The following CLASP1 variants were observed in gnomAD, a reference collection of about 807,000 sequenced individuals.
CLASP1 encodes the protein CLIP-associating protein 1.
CLASP1 carries 38 observed loss-of-function variants against 192.3 expected under a neutral mutation model. The observed-to-expected ratio is 0.20, with a 90% confidence interval of 0.15 to 0.26. CLASP1 has a LOEUF of 0.26. CLASP1 is among the 10% of genes least tolerant of loss of function. The pLI is 1.00. For synonymous variants in CLASP1, 691 were observed against 712.8 expected, an observed-to-expected ratio of 0.97 and a Z score of 0.49; for missense variants, 1,433 against 1,932.5, an observed-to-expected ratio of 0.74 and a Z score of 4.85.
chr2:121,435,925 C>A (rs554823447), intron 19 of CLASP1, among the ~76,000 whole-genome samples: 1 of 151,570 alleles, frequency 6.6e-6, no homozygotes, highest in Non-Finnish European at 1.5e-5. Flanking sequence ...CCTTCCTATT[C>A]AGACTATTCA....
At chr2:121,594,680 T>C (rs112467295) in intron 2 of CLASP1, among the ~76,000 whole-genome samples, 2,127 of 152,226 alleles carry the variant, frequency 0.014, 54 homozygotes, top group African/African-American at 0.048. Flanking sequence ...TGTGAGCCAC[T>C]GCGCCCGGCC....
intron 6 of CLASP1, among the ~76,000 whole-genome samples, chr2:121,525,514 C>A (rs1172953461): frequency 6.6e-6 from 1 of 152,132 alleles, no homozygotes; most frequent in Non-Finnish European, 1.5e-5. Flanking sequence ...CCCGGCACCA[C>A]CCCTTTTGGC....
At chr2:121,589,584 C>T (rs527846164) in intron 2 of CLASP1, among the ~76,000 whole-genome samples, 5 of 149,236 alleles carry the variant, frequency 3.4e-5, no homozygotes, top group South Asian at 2.1e-4. Flanking sequence ...GAGCCAAGGC[C>T]GTACCATTGC....
intron 19 of CLASP1, among the ~76,000 whole-genome samples, chr2:121,437,130 C>A (rs2082436699): frequency 6.6e-6 from 1 of 151,836 alleles, no homozygotes; most frequent in Non-Finnish European, 1.5e-5. Context: ...GCTTGGCTAA[C>A]TGTAAAAAAA....
intron 2 of CLASP1, among the ~76,000 whole-genome samples, chr2:121,604,926 A>G (rs1383531176): frequency 6.6e-6 from 1 of 152,134 alleles, no homozygotes; most frequent in African/African-American, 2.4e-5. Context: ...TTCCATCTCA[A>G]CCTTGACCCA....
chr2:121,592,704 T>C (rs997688922), intron 2 of CLASP1, among the ~76,000 whole-genome samples: 1 of 152,214 alleles, frequency 6.6e-6, no homozygotes, highest in Non-Finnish European at 1.5e-5. Context: ...CAGGCTGTAG[T>C]GCAGTGGCAT....
chr2:121,435,389 C>T (rs2082127470), intron 19 of CLASP1, among the ~76,000 whole-genome samples: 1 of 152,276 alleles, frequency 6.6e-6, no homozygotes, highest in Admixed American at 6.5e-5. Flanking sequence ...ATTCTCCTGC[C>T]TCAGCCTCCC....
chr2:121,611,847 A>G (rs528073696), intron 1 of CLASP1, among the ~76,000 whole-genome samples: 1,620 of 107,832 alleles, frequency 0.015, 33 homozygotes, highest in African/African-American at 0.053. Context: ...AGGAGGAGGC[A>G]TTGGAGGAGT....
chr2:121,480,186 G>T (rs547729805), intron 8 of CLASP1, among the ~76,000 whole-genome samples: 1 of 152,208 alleles, frequency 6.6e-6, no homozygotes, highest in Non-Finnish European at 1.5e-5. Context: ...CTTCACAAAG[G>T]GAGGTCAAAT....
exon 22 of CLASP1, chr2:121,425,304 C>A: frequency 6.2e-7 from 1 of 1,611,050 alleles, no homozygotes; most frequent in South Asian, 1.1e-5. Flanking sequence ...GACCGGCTGC[C>A]AGCTAAAAGT....
At chr2:121,635,221 AGAAAAG>A (rs1206566557) in intron 1 of CLASP1, among the ~76,000 whole-genome samples, 3 of 146,402 alleles carry the variant, frequency 2.0e-5, no homozygotes, top group African/African-American at 8.1e-5. Context: ...AAAAAAAAAA[AGAAAAG>A]AAAAGAAAAG....
chr2:121,584,354 A>G (rs1041127100), intron 2 of CLASP1, among the ~76,000 whole-genome samples: 6 of 152,134 alleles, frequency 3.9e-5, no homozygotes, highest in Non-Finnish European at 5.9e-5. Context: ...TTTGGATGCA[A>G]TTTCTTCCAA....
At chr2:121,533,687 C>A (rs1001106593) in intron 2 of CLASP1, among the ~76,000 whole-genome samples, 3 of 152,124 alleles carry the variant, frequency 2.0e-5, no homozygotes, top group African/African-American at 7.2e-5. Flanking sequence ...TTTTTTTCTT[C>A]CAACACCATT....
chr2:121,605,272 C>T (rs2064288052), intron 2 of CLASP1, among the ~76,000 whole-genome samples: 2 of 152,118 alleles, frequency 1.3e-5, no homozygotes, highest in African/African-American at 4.8e-5. Flanking sequence ...ACAACAGTGA[C>T]CTGAAGGTAA....
intron 22 of CLASP1, among the ~76,000 whole-genome samples, chr2:121,424,540 A>G (rs936505845): frequency 4.6e-5 from 7 of 152,240 alleles, no homozygotes; most frequent in African/African-American, 1.7e-4. Context: ...TAAATGGAAC[A>G]AAAGGTATTT....
At chr2:121,387,051 G>C in intron 32 of CLASP1, 71 bp downstream of exon 33, 2 of 1,254,882 alleles carry the variant, frequency 1.6e-6, no homozygotes, top group South Asian at 1.3e-5. Context: ...TAAAAATCTA[G>C]AAATAGGATG....
intron 2 of CLASP1, among the ~76,000 whole-genome samples, chr2:121,573,090 G>A (rs1044527212): frequency 6.6e-6 from 1 of 152,122 alleles, no homozygotes; most frequent in African/African-American, 2.4e-5. Context: ...CTCTCTAGTA[G>A]CTAAGATTAC....
chr2:121,600,623 CTG>C (rs1274837026), intron 2 of CLASP1, among the ~76,000 whole-genome samples: 1 of 152,218 alleles, frequency 6.6e-6, no homozygotes, highest in Non-Finnish European at 1.5e-5. Flanking sequence ...CCACAGAACT[CTG>C]TATATTTGCA....
intron 30 of CLASP1, among the ~76,000 whole-genome samples, chr2:121,389,469 T>A (rs561242327): frequency 1.4e-5 from 2 of 145,806 alleles, no homozygotes; most frequent in Non-Finnish European, 3.0e-5. Context: ...TTAAAAAACA[T>A]TGTATTAGGT....
Sources: allele counts gnomAD v4.1 joint callset (sites outside exome capture counted in the v4.1 genomes callset), GRCh38; gene constraint gnomAD v4.1.1; transcripts MANE v1.5; gene names NCBI Gene and HGNC (gene_info 2026-07-23, HGNC 2026-07-21).